Variants in KCND3 observed in about 807,000 individuals in gnomAD.
The protein encoded by KCND3 is A-type voltage-gated potassium channel KCND3.
In KCND3, 9 loss-of-function variants were observed where a neutral mutation model predicts 51.1. That is an observed-to-expected ratio of 0.18 (90% CI 0.11 to 0.31). The LOEUF is 0.31. KCND3 is among the 10% of genes least tolerant of loss of function. The pLI, the probability that KCND3 is intolerant of heterozygous loss-of-function variation, is 1.00. For missense variants in KCND3, 526 were observed against 903.8 expected (o/e 0.58, Z 5.36); for synonymous variants, 349 against 368.0 (o/e 0.95, Z 0.59).
At chr1:111,848,165 G>A (rs1667646906) in intron 2 of KCND3, among the ~76,000 whole-genome samples, 1 of 152,302 alleles carries the variant, frequency 6.6e-6, no homozygotes, top group Non-Finnish European at 1.5e-5. Flanking sequence ...TCAGCCACGC[G>A]ATCGCCTGGA....
chr1:111,780,077 C>T lies in KCND3; in HGVS notation c.1461+148G>A. 2 of 901,998 alleles carry T rather than the reference C, an allele frequency of 2.2e-6. No homozygotes were observed. Among genetic ancestry groups the T allele is most frequent in the Admixed American group, 2.0e-5 (1 of 49,898 alleles). 55.9% of individuals were successfully genotyped at this position (901,998 alleles called of 1,614,324 possible). ...CCTTGCCCCACTCCTCAGGGTCTTC[C>T]ACCTGAGGGCCAGTAGATCCCATCA... On this transcript the variant is annotated intron_variant, in intron 5 of 7. Transcript: ENST00000302127. This position sits in a 1 kb window ranked among gnomAD's most constrained non-coding sequence, Gnocchi z 4.2.
intron 2 of KCND3, among the ~76,000 whole-genome samples, chr1:111,809,652 T>C (rs1001681456): frequency 3.2e-5 from 4 of 123,148 alleles, no homozygotes; most frequent in African/African-American, 1.5e-4. Flanking sequence ...ACATTTCCCG[T>C]GTGTGTGTGT....
chr1:111,781,532 A>T (rs1664384553), intron 3 of KCND3, among the ~76,000 whole-genome samples: 1 of 151,914 alleles, frequency 6.6e-6, no homozygotes, highest in Non-Finnish European at 1.5e-5. Context: ...TGGTTTTTTT[A>T]TTTTTTTGAG....
chr1:111,788,292 T>A (rs1362960713), intron 2 of KCND3, among the ~76,000 whole-genome samples: 1 of 152,238 alleles, frequency 6.6e-6, no homozygotes, highest in Non-Finnish European at 1.5e-5. Context: ...CCTGCCTCTG[T>A]GCCCTCTGGG....
At position 111,780,816 on chromosome 1, in the gene KCND3, GA is replaced by G. The variant is rs1386551306; in HGVS notation, c.1270-26del. 3 of 1,574,264 alleles carry G rather than the reference GA, an allele frequency of 1.9e-6. No individual in the cohort carries two copies. The highest frequency in any genetic ancestry group is 2.6e-6 in the Non-Finnish European group (3 of 1,149,790). On this transcript the variant is annotated intron_variant, in intron 3 of 7. Transcript: ENST00000302127. This position sits in a 1 kb window ranked among gnomAD's most constrained non-coding sequence, Gnocchi z 4.2. ...TCTGTGATTGGCAGAGATAATAAAA[GA>G]ATGAGGCAGACCATGATACAAAAAG...
intron 3 of KCND3, among the ~76,000 whole-genome samples, chr1:111,782,205 A>G (rs1557934218): frequency 2.0e-5 from 3 of 152,180 alleles, no homozygotes; most frequent in East Asian, 1.9e-4. Context: ...AAAGGAGGCC[A>G]CAGTCTCAGG....
intron 2 of KCND3, among the ~76,000 whole-genome samples, chr1:111,900,443 A>G (rs917197000): frequency 3.3e-5 from 5 of 152,222 alleles, no homozygotes; most frequent in African/African-American, 1.2e-4. Context: ...CCTGCAAACT[A>G]GCCACTAACT....
chr1:111,777,983 C>T (rs1469859685), intron 6 of KCND3, among the ~76,000 whole-genome samples: 1 of 152,172 alleles, frequency 6.6e-6, no homozygotes, highest in Admixed American at 6.5e-5. Context: ...TAAAAAATGG[C>T]TGTTTGGCCA....
At chr1:111,786,918 C>G (rs754901454) in intron 3 of KCND3, 26 bp downstream of exon 3, 7 of 1,613,562 alleles carry the variant, frequency 4.3e-6, no homozygotes, top group Middle Eastern at 1.7e-4. Context: ...TTACACTGCC[C>G]CCGCTTCCCT....
intron 2 of KCND3, among the ~76,000 whole-genome samples, chr1:111,970,444 T>G (rs1362312760): frequency 6.6e-6 from 1 of 152,210 alleles, no homozygotes; most frequent in African/African-American, 2.4e-5. Flanking sequence ...TCAAATGAAT[T>G]AATGTATTTA....
At chr1:111,917,201 T>G (rs1414225047) in intron 2 of KCND3, among the ~76,000 whole-genome samples, 1 of 152,220 alleles carries the variant, frequency 6.6e-6, no homozygotes, top group Non-Finnish European at 1.5e-5. Flanking sequence ...AATGCCTGCT[T>G]TGATCATTTC....
chr1:111,814,782 C>T (rs1666009389), intron 2 of KCND3, among the ~76,000 whole-genome samples: 1 of 152,218 alleles, frequency 6.6e-6, no homozygotes, highest in Non-Finnish European at 1.5e-5. Flanking sequence ...ACAGGCCCAG[C>T]AGCCCAGCTG....
intron 2 of KCND3, among the ~76,000 whole-genome samples, chr1:111,977,202 G>A (rs557177499): frequency 2.6e-5 from 4 of 152,310 alleles, no homozygotes; most frequent in Admixed American, 2.6e-4. Flanking sequence ...TCCGGAGGCA[G>A]TAGATAAAGG....
intron 2 of KCND3, among the ~76,000 whole-genome samples, chr1:111,887,560 C>A (rs138312980): frequency 6.6e-6 from 1 of 152,134 alleles, no homozygotes; most frequent in Admixed American, 6.5e-5. Flanking sequence ...GGCAAATGAC[C>A]CCCGGTCACT....
intron 2 of KCND3, among the ~76,000 whole-genome samples, chr1:111,802,265 T>A (rs960377107): frequency 7.2e-5 from 11 of 152,208 alleles, no homozygotes; most frequent in African/African-American, 2.7e-4. Context: ...CCAGAGTACA[T>A]CTGTCCCTCT....
At chr1:111,850,887 G>A (rs908962050) in intron 2 of KCND3, among the ~76,000 whole-genome samples, 12 of 152,214 alleles carry the variant, frequency 7.9e-5, no homozygotes, top group Admixed American at 2.0e-4. Context: ...TCTCTCACAT[G>A]AGAAACCCCG....
At chr1:111,813,592 G>C (rs72692546) in intron 2 of KCND3, among the ~76,000 whole-genome samples, 1 of 152,254 alleles carries the variant, frequency 6.6e-6, no homozygotes, top group Non-Finnish European at 1.5e-5. Context: ...GGCTCGCCTA[G>C]CCACAGCCGG....
chr1:111,980,885 A>G (rs1041920064), intron 2 of KCND3, among the ~76,000 whole-genome samples: 1 of 152,148 alleles, frequency 6.6e-6, no homozygotes, highest in Non-Finnish European at 1.5e-5. Flanking sequence ...CCTCCTTCTG[A>G]TGATATTGCT....
At chr1:111,904,947 C>T (rs1312416676) in intron 2 of KCND3, among the ~76,000 whole-genome samples, 2 of 152,168 alleles carry the variant, frequency 1.3e-5, no homozygotes, top group African/African-American at 4.8e-5. Flanking sequence ...CTCCAGGCCA[C>T]CTGCAGAGGG....
Sources: allele counts gnomAD v4.1 joint callset (sites outside exome capture counted in the v4.1 genomes callset), GRCh38; gene constraint gnomAD v4.1.1; non-coding constraint Gnocchi (gnomAD v3.1); transcripts MANE v1.5; gene names NCBI Gene and HGNC (gene_info 2026-07-23, HGNC 2026-07-21).